Variants in DLGAP2 observed in about 807,000 individuals in gnomAD.
The protein encoded by DLGAP2 is DLG associated protein 2, also known as disks large-associated protein 2.
Under a neutral mutation model 100.3 loss-of-function variants are expected in DLGAP2, and 26 were observed. The observed-to-expected ratio is 0.26, with a 90% CI of 0.19 to 0.36. The LOEUF (loss-of-function observed/expected upper bound fraction) is 0.36. Ranked by LOEUF, DLGAP2 falls within the 10% of genes least tolerant of loss-of-function variation. The probability of loss-of-function intolerance (pLI) is 1.00; values close to 1 mark genes in which losing one functional copy is unlikely to be tolerated. For missense variants in DLGAP2, 1,858 were observed against 1,453.2 expected (o/e 1.28, Z -4.53); for synonymous variants, 886 against 630.1 (o/e 1.41, Z -6.08).
chr8:766,322 G>A (rs1168470562), intron 1 of DLGAP2, among the ~76,000 whole-genome samples: 4 of 152,172 alleles, frequency 2.6e-5, no homozygotes, highest in South Asian at 2.1e-4. Context: ...GTCACCCTGC[G>A]GTGTGGCTGC....
chr8:1,464,936 T>G (rs1798581649), intron 3 of DLGAP2, among the ~76,000 whole-genome samples: 1 of 152,178 alleles, frequency 6.6e-6, no homozygotes, highest in South Asian at 2.1e-4. Flanking sequence ...ACAAACCATG[T>G]GAGGGAAAAC....
At chr8:1,104,622 G>A (rs925708552) in intron 2 of DLGAP2, among the ~76,000 whole-genome samples, 5 of 152,130 alleles carry the variant, frequency 3.3e-5, no homozygotes, top group Non-Finnish European at 7.4e-5. Context: ...TTAATCCTTG[G>A]GCTGCTCCAG....
At chr8:1,573,774 G>A (rs1260565736) in intron 6 of DLGAP2, among the ~76,000 whole-genome samples, 3 of 152,148 alleles carry the variant, frequency 2.0e-5, no homozygotes, top group Non-Finnish European at 4.4e-5. Context: ...TCATGTTGCT[G>A]TGGGTACCTC....
chr8:1,522,163 C>G (rs114972500), intron 4 of DLGAP2, among the ~76,000 whole-genome samples: 1 of 152,178 alleles, frequency 6.6e-6, no homozygotes, highest in Admixed American at 6.5e-5. Context: ...TTGGTTTCCA[C>G]GCTTGGCATC....
chr8:898,523 C>A (rs113518258), intron 1 of DLGAP2, among the ~76,000 whole-genome samples: 1 of 152,140 alleles, frequency 6.6e-6, no homozygotes, highest in Non-Finnish European at 1.5e-5. Flanking sequence ...TCTCTAGTCA[C>A]GGAGACATGA....
At chr8:1,689,152 C>T (rs565494917) in intron 12 of DLGAP2, among the ~76,000 whole-genome samples, 1 of 152,184 alleles carries the variant, frequency 6.6e-6, no homozygotes, top group Non-Finnish European at 1.5e-5. Flanking sequence ...CCCTGGACCT[C>T]GGTTTCGACT....
intron 1 of DLGAP2, among the ~76,000 whole-genome samples, chr8:822,704 T>G (rs1270773139): frequency 6.6e-6 from 1 of 152,206 alleles, no homozygotes; most frequent in East Asian, 1.9e-4. Context: ...AGAGCTTTCC[T>G]GTGGAAGCTG....
chr8:1,237,457 ACC>A (rs1798687278), intron 2 of DLGAP2, among the ~76,000 whole-genome samples: 1 of 91,996 alleles, frequency 1.1e-5, no homozygotes, highest in African/African-American at 4.4e-5. Flanking sequence ...GTGTCTAGTT[ACC>A]TCTCACATGG....
chr8:1,222,741 G>A (rs998858441), intron 2 of DLGAP2, among the ~76,000 whole-genome samples: 1 of 152,120 alleles, frequency 6.6e-6, no homozygotes, highest in African/African-American at 2.4e-5. Context: ...GGTCAGACGG[G>A]CTCTGCTGGT....
chr8:792,790 T>C (rs1183167966), intron 1 of DLGAP2, among the ~76,000 whole-genome samples: 2 of 152,268 alleles, frequency 1.3e-5, no homozygotes, highest in Non-Finnish European at 2.9e-5. Context: ...GTTTTAATAC[T>C]GAACCATCTT....
At chr8:1,695,991 A>T (rs918443448) in intron 13 of DLGAP2, among the ~76,000 whole-genome samples, 1 of 152,224 alleles carries the variant, frequency 6.6e-6, no homozygotes, top group Non-Finnish European at 1.5e-5. Context: ...GAATGGGCTC[A>T]GCCGCGCGGA....
At chr8:779,061 C>A (rs943053610) in intron 1 of DLGAP2, among the ~76,000 whole-genome samples, 1 of 152,242 alleles carries the variant, frequency 6.6e-6, no homozygotes, top group South Asian at 2.1e-4. Context: ...TTTTCAAGCC[C>A]GTCAGAAAAG....
intron 8 of DLGAP2, among the ~76,000 whole-genome samples, chr8:1,652,219 G>T (rs911211410): frequency 6.6e-6 from 1 of 152,194 alleles, no homozygotes. Context: ...AGGTTCTTAC[G>T]TGAAGATGCT....
intron 2 of DLGAP2, among the ~76,000 whole-genome samples, chr8:1,089,967 G>A (rs570980614): frequency 6.6e-6 from 1 of 152,198 alleles, no homozygotes; most frequent in Non-Finnish European, 1.5e-5. Flanking sequence ...GACTTGGGGG[G>A]CTGTGGAAAC....
rs1041830402 is a variant in DLGAP2, at chr8:1,017,845, C to CTT, written c.73+109881_73+109882dup. ...CATCCCTGTCCCAGGCCTCCAGCTG[C>CTT]TTTAGTTCAGGGCAGGCAAACTGTG... On this transcript the variant is annotated intron_variant, in intron 2 of 14. Coordinates refer to ENST00000637795, the MANE Select transcript of DLGAP2 (RefSeq NM_001346810.2). 6.6e-5 allele frequency among the ~76,000 whole-genome samples: 10 copies of CTT among 152,360 alleles called. No individual in the cohort carries two copies. The East Asian group carries it at 1.7e-3, about 26-fold the overall frequency.
intron 2 of DLGAP2, among the ~76,000 whole-genome samples, chr8:918,794 C>T (rs936681538): frequency 2.0e-5 from 3 of 152,158 alleles, no homozygotes; most frequent in African/African-American, 7.2e-5. Context: ...GACAAACTAG[C>T]TTGAATTGAA....
intron 2 of DLGAP2, among the ~76,000 whole-genome samples, chr8:1,159,855 G>A (rs1046605390): frequency 6.6e-6 from 1 of 152,226 alleles, no homozygotes; most frequent in African/African-American, 2.4e-5. Flanking sequence ...CCGCAGGGGT[G>A]TCTGTCTACA....
At chr8:900,088 C>T (rs988646495) in intron 1 of DLGAP2, among the ~76,000 whole-genome samples, 4 of 152,258 alleles carry the variant, frequency 2.6e-5, no homozygotes, top group African/African-American at 9.6e-5. Context: ...ACAGAGGGCA[C>T]TGGGTGGATG....
chr8:1,586,296 C>G (rs1039786528), intron 6 of DLGAP2, among the ~76,000 whole-genome samples: 2 of 152,210 alleles, frequency 1.3e-5, no homozygotes, highest in African/African-American at 4.8e-5. Flanking sequence ...AGCCCCGTGT[C>G]CTTGTTGTCA....
Sources: gnomAD v4.1 joint callset for allele counts (sites outside exome capture counted in the v4.1 genomes callset) on GRCh38, gnomAD v4.1.1 for gene constraint, MANE v1.5 for transcripts, NCBI Gene and HGNC (gene_info 2026-07-23, HGNC 2026-07-21) for gene names.